KIF21A: variants seen among roughly 807,000 people sequenced by gnomAD.
KIF21A encodes kinesin-like protein KIF21A.
A neutral mutation model predicts 202.9 loss-of-function variants in KIF21A; 114 were observed. The ratio of observed to expected loss-of-function variants is 0.56; its 90% CI spans 0.48 to 0.66. The LOEUF is 0.66. Ranked by LOEUF, KIF21A falls within the 30% of genes least tolerant of loss-of-function variation. The probability of loss-of-function intolerance (pLI) is 0.00; values close to 1 mark genes in which losing one functional copy is unlikely to be tolerated. For synonymous variants in KIF21A, 667 were observed against 670.8 expected, an observed-to-expected ratio of 0.99 and a Z score of 0.09; for missense variants, 1,677 against 1,994.9, an observed-to-expected ratio of 0.84 and a Z score of 3.04.
chr12:39,417,143 T>C (rs1953828478), intron 1 of KIF21A, among the ~76,000 whole-genome samples: 1 of 151,562 alleles, frequency 6.6e-6, no homozygotes. Context: ...AGAAACAGGA[T>C]TTGGCTACAA....
At chr12:39,318,710 G>A (rs1022568715) in intron 28 of KIF21A, among the ~76,000 whole-genome samples, 6 of 152,168 alleles carry the variant, frequency 3.9e-5, no homozygotes, top group African/African-American at 1.2e-4. Context: ...GGCCAGGCAC[G>A]GTGGCTCACG....
Position 39,346,455 on chromosome 12 carries a change from A to G in KIF21A, c.1712+11T>C. On this transcript the variant is annotated intron_variant, in intron 12 of 37. Transcript: ENST00000361418. ...CGACATTTTAATAAAAAACCTGGGAAATATTCCAACCTTCTTTCTTCTCGA... is the reference window on the plus strand; with the variant it reads ...CGACATTTTAATAAAAAACCTGGGAGATATTCCAACCTTCTTTCTTCTCGA... 1 of 1,459,346 alleles carries G rather than the reference A, an allele frequency of 6.9e-7. No individual in the cohort carries two copies. The highest frequency in any genetic ancestry group is 9.0e-7 in the Non-Finnish European group (1 of 1,110,252). 90.4% of individuals were successfully genotyped at this position (1,459,346 alleles called of 1,614,324 possible).
rs1211798681 is a variant in KIF21A, at chr12:39,356,883, T to C, written c.1418A>G (p.Glu473Gly). The C allele has an allele frequency of 1.5e-6, 2 of 1,292,686 alleles. No homozygotes were observed. Among genetic ancestry groups the C allele is most frequent in the Non-Finnish European group, 2.2e-6 (2 of 891,298 alleles). 80.1% of individuals were successfully genotyped at this position (1,292,686 alleles called of 1,614,324 possible). A position where few individuals can be genotyped will look rare whatever the true frequency, so the allele number is the denominator to read the frequency against. The change falls in exon 10 of 38, where the codon GAG becomes GGG. Residue 473 changes from glutamate (E) to glycine (G), a missense_variant. Coordinates refer to ENST00000361418, the MANE Select transcript of KIF21A (RefSeq NM_001173464.2). ...ACTATGAATCATATTACTAATCTCC[T>C]CATTTCCTTCACCTGAAAGACAAAA... ...HVLARAGEGN[E>G]EISNMIHSYI...
intron 3 of KIF21A, 141 bp downstream of exon 3, chr12:39,369,588 T>A: frequency 3.1e-6 from 2 of 644,894 alleles, no homozygotes; most frequent in Non-Finnish European, 5.3e-6. Context: ...TTATTTCTAC[T>A]ATCTAATGTT....
intron 11 of KIF21A, among the ~76,000 whole-genome samples, chr12:39,347,144 T>C (rs936689126): frequency 2.6e-5 from 4 of 151,586 alleles, no homozygotes; most frequent in African/African-American, 9.7e-5. Flanking sequence ...GTAATTTTAT[T>C]AATTGAAAAT....
intron 1 of KIF21A, among the ~76,000 whole-genome samples, chr12:39,410,223 C>T (rs904848536): frequency 6.6e-6 from 1 of 152,186 alleles, no homozygotes; most frequent in Admixed American, 6.5e-5. Flanking sequence ...AAGGAATTCT[C>T]CCCTAGAGCC....
At chr12:39,315,081 C>A in intron 31 of KIF21A, 148 bp downstream of exon 31, 3 of 705,206 alleles carry the variant, frequency 4.3e-6, no homozygotes, top group Non-Finnish European at 7.6e-6. Context: ...CAACTTTAAA[C>A]AAGTTTAAGG....
Position 39,294,444 on chromosome 12 carries a change from C to T in KIF21A, c.5005G>A (p.Glu1669Lys). The T allele has an allele frequency of 1.2e-6, 2 of 1,612,766 alleles. No individual in the cohort carries two copies. The highest frequency in any genetic ancestry group is 2.2e-5 in the East Asian group (1 of 44,836). Residue 1669 changes from glutamate to lysine, a missense_variant, in exon 38 of 38, where the codon GAA (glutamate) becomes AAA (lysine). By Grantham distance (56) the Glu-to-Lys change is moderately conservative. Transcript: ENST00000361418. ...CATGTTTAATTACTGGCAATATCTTCCCCCAGATCTCCTGTGTCAGAGATC... is the reference window on the plus strand; with the variant it reads ...CATGTTTAATTACTGGCAATATCTTTCCCCAGATCTCCTGTGTCAGAGATC... The part of the protein sequence containing the change: ...GQISDTGDLG[E>K]DIASN
At chr12:39,406,244 G>A (rs1373594999) in intron 1 of KIF21A, among the ~76,000 whole-genome samples, 1 of 151,940 alleles carries the variant, frequency 6.6e-6, no homozygotes, top group Non-Finnish European at 1.5e-5. Flanking sequence ...TTATGTAAAA[G>A]TGAAAACATC....
chr12:39,301,489 G>C lies in KIF21A; in HGVS notation c.4922C>G (p.Thr1641Ser), dbSNP rs1942957889. 1.9e-6 allele frequency: 3 copies of C among 1,613,516 alleles called. No individual in the cohort carries two copies. In the East Asian group the frequency reaches 6.7e-5, roughly 36 times the overall value. Residue 1641 changes from threonine to serine, a missense_variant, in exon 37 of 38, where the codon ACT (threonine) becomes AGT (serine). By Grantham distance (58) the Thr-to-Ser change is moderately conservative. Transcript: ENST00000361418. ...AICVNSTHIF[T>S]AADDRTVRIW... ...ATATAAGAAAACTTACTCAGCTGCA[G>C]TAAAAATGTGGGTGGAATTAACACA...
chr12:39,334,808 T>A (rs570084978), intron 17 of KIF21A, among the ~76,000 whole-genome samples: 27 of 152,320 alleles, frequency 1.8e-4, no homozygotes, highest in African/African-American at 6.0e-4. Context: ...CAGCATTGTG[T>A]CTTTATAATA....
intron 1 of KIF21A, among the ~76,000 whole-genome samples, chr12:39,371,652 T>C (rs774121271): frequency 6.6e-6 from 1 of 151,938 alleles, no homozygotes; most frequent in Non-Finnish European, 1.5e-5. Flanking sequence ...ATGAAAAATA[T>C]AAAATGAGGC....
Position 39,351,786 on chromosome 12 carries a change from T to A in KIF21A, c.1664A>T (p.Lys555Met). The A allele has an allele frequency of 6.5e-7, 1 of 1,549,048 alleles. No individual in the cohort carries two copies. Among genetic ancestry groups the A allele is most frequent in the Non-Finnish European group, 8.9e-7 (1 of 1,122,722 alleles). ...LEKLKRKEKR[K>M]KKRLQKLEES... is the part of the protein sequence containing the mutation. The stretch of plus-strand genomic sequence containing the variant: ...GATTTTATAATCCCACCTTTTTTTC[T>A]TCCTCTTTTCTTTTCTTTTCAACTT... Residue 555 changes from lysine (K) to methionine (M), a missense_variant, in exon 11 of 38, where the codon AAG (lysine) becomes ATG (methionine). Physicochemically the swap from Lys to Met is moderately conservative, Grantham distance 95. Transcript: ENST00000361418.
intron 11 of KIF21A, among the ~76,000 whole-genome samples, chr12:39,351,213 G>A (rs1419647471): frequency 5.3e-5 from 8 of 152,056 alleles, no homozygotes; most frequent in Non-Finnish European, 8.8e-5. Flanking sequence ...GAACAGTGGT[G>A]AAAAGCTGAG....
At chr12:39,337,877 A>G (rs994072599) in intron 16 of KIF21A, among the ~76,000 whole-genome samples, 3 of 152,028 alleles carry the variant, frequency 2.0e-5, no homozygotes, top group Non-Finnish European at 4.4e-5. Flanking sequence ...GGTATAAACA[A>G]CCCTACTGTG....
chr12:39,315,799 A>C (rs1281204257), intron 30 of KIF21A, 133 bp downstream of exon 30: 2 of 774,672 alleles, frequency 2.6e-6, no homozygotes, highest in African/African-American at 3.4e-5. Flanking sequence ...CATGTTTAGA[A>C]ATATTAGTGC....
At chr12:39,431,158 T>C (rs1258298333) in intron 1 of KIF21A, among the ~76,000 whole-genome samples, 4 of 152,120 alleles carry the variant, frequency 2.6e-5, no homozygotes, top group African/African-American at 9.7e-5. Flanking sequence ...CTGGATGGCA[T>C]GGAAGTGAAG....
intron 1 of KIF21A, among the ~76,000 whole-genome samples, chr12:39,426,298 C>T (rs766421505): frequency 4.6e-5 from 7 of 152,270 alleles, no homozygotes; most frequent in African/African-American, 1.2e-4. Flanking sequence ...AAGGATGTTG[C>T]GAATATGTGT....
At chr12:39,370,701 G>C (rs939768197) in intron 1 of KIF21A, among the ~76,000 whole-genome samples, 1 of 151,798 alleles carries the variant, frequency 6.6e-6, no homozygotes, top group East Asian at 1.9e-4. Context: ...ATGTCTTGAC[G>C]CCCTTGACTC....
Sources: allele counts gnomAD v4.1 joint callset (sites outside exome capture counted in the v4.1 genomes callset), GRCh38; gene constraint gnomAD v4.1.1; transcripts MANE v1.5; gene names NCBI Gene and HGNC (gene_info 2026-07-23, HGNC 2026-07-21).